CUX2: variants seen among roughly 807,000 people sequenced by gnomAD.
CUX2 encodes homeobox protein cut-like 2.
CUX2 carries 40 observed loss-of-function variants against 144.8 expected under a neutral mutation model. The observed-to-expected ratio is 0.28, with a 90% CI of 0.21 to 0.36. CUX2 has a LOEUF of 0.36. CUX2 is among the 10% of genes least tolerant of loss of function. The pLI is 1.00. For missense variants in CUX2, 1,615 were observed against 1,994.0 expected (o/e 0.81, Z 3.62); for synonymous variants, 827 against 875.6 (o/e 0.94, Z 0.98).
At position 111,170,633 on chromosome 12, in the gene CUX2, A is replaced by G. The variant is rs191387582; in HGVS notation, c.64-43567A>G. On this transcript the variant is annotated intron_variant, in intron 1 of 21. Coordinates refer to ENST00000261726, the MANE Select transcript of CUX2 (RefSeq NM_015267.4). ...CAGTGGCACGATCTCAGCTCACTGC[A>G]ACCCCTGCCTCCTGAAACCCAGTTC... 2.8e-5 allele frequency among the ~76,000 whole-genome samples: 4 copies of G among 144,794 alleles called. No homozygotes were observed. The Admixed American group carries it at 2.9e-4, about 10-fold the overall frequency. 95.0% of individuals were successfully genotyped at this position (144,794 alleles called of 152,430 possible).
chr12:111,196,429 T>C (rs967964649), intron 1 of CUX2, among the ~76,000 whole-genome samples: 5 of 152,236 alleles, frequency 3.3e-5, no homozygotes, highest in African/African-American at 1.2e-4. Context: ...CAAACTGTTT[T>C]TCTGAAGTGG....
chr12:111,321,060 G>C (rs1887502824), intron 17 of CUX2, among the ~76,000 whole-genome samples: 1 of 152,204 alleles, frequency 6.6e-6, no homozygotes, highest in Admixed American at 6.5e-5. Context: ...GGCAGGACTT[G>C]GTGGCTCACG....
chr12:111,317,646 G>T (rs1887265334), intron 16 of CUX2, among the ~76,000 whole-genome samples: 1 of 152,070 alleles, frequency 6.6e-6, no homozygotes, highest in Non-Finnish European at 1.5e-5. Flanking sequence ...TTGTAGAAAA[G>T]GTTTTTCACT....
chr12:111,249,450 T>G (rs1017655238), intron 3 of CUX2, among the ~76,000 whole-genome samples: 18 of 143,512 alleles, frequency 1.3e-4, no homozygotes, highest in South Asian at 4.6e-4. Context: ...TTTTTGTTTT[T>G]TTTTTTTTTT....
At chr12:111,089,623 G>GC (rs890024011) in intron 1 of CUX2, among the ~76,000 whole-genome samples, 1 of 152,236 alleles carries the variant, frequency 6.6e-6, no homozygotes. Flanking sequence ...GGCCTGGAAA[G>GC]CCCTCTGCAG....
At chr12:111,238,039 G>C (rs1243546590) in intron 3 of CUX2, among the ~76,000 whole-genome samples, 4 of 152,046 alleles carry the variant, frequency 2.6e-5, no homozygotes, top group Non-Finnish European at 5.9e-5. Flanking sequence ...ATGTCCCCTC[G>C]GGGACCAAAT....
chr12:111,063,378 G>T (rs1298645913), intron 1 of CUX2, among the ~76,000 whole-genome samples: 2 of 152,104 alleles, frequency 1.3e-5, no homozygotes, highest in African/African-American at 4.8e-5. Context: ...CTCCAGGCGT[G>T]CAGCCTGAGG....
At chr12:111,158,158 C>T (rs766731531) in intron 1 of CUX2, among the ~76,000 whole-genome samples, 10 of 152,088 alleles carry the variant, frequency 6.6e-5, no homozygotes, top group Non-Finnish European at 1.5e-4. Context: ...CAGGTGAAAA[C>T]GGAGGATCAG....
At chr12:111,324,688 C>T (rs564036412) in intron 18 of CUX2, among the ~76,000 whole-genome samples, 59 of 151,744 alleles carry the variant, frequency 3.9e-4, no homozygotes, top group African/African-American at 1.2e-3. Context: ...TTAGTAGAGA[C>T]GGGGTTTCTC....
chr12:111,283,949 GT>G (rs1885252578), intron 4 of CUX2, among the ~76,000 whole-genome samples: 1 of 152,120 alleles, frequency 6.6e-6, no homozygotes. Context: ...CCGAGACTTT[GT>G]CAGAGTCGTG....
intron 8 of CUX2, 75 bp downstream of exon 8, chr12:111,296,614 G>C (rs1886010326): frequency 7.2e-7 from 1 of 1,381,144 alleles, no homozygotes; most frequent in South Asian, 1.2e-5. Context: ...TGACCCTCCA[G>C]TACTTGCCTC....
At chr12:111,240,546 C>T (rs1882971493) in intron 3 of CUX2, among the ~76,000 whole-genome samples, 1 of 152,234 alleles carries the variant, frequency 6.6e-6, no homozygotes, top group Non-Finnish European at 1.5e-5. Flanking sequence ...GCCCCTGGTC[C>T]AATCGGCTGA....
At chr12:111,333,482 G>T (rs761872599) in intron 18 of CUX2, among the ~76,000 whole-genome samples, 4 of 152,192 alleles carry the variant, frequency 2.6e-5, no homozygotes, top group Non-Finnish European at 5.9e-5. Context: ...GATTTCGACA[G>T]TTCTGCCTTT....
chr12:111,070,743 A>G (rs1871226742), intron 1 of CUX2, among the ~76,000 whole-genome samples: 1 of 152,152 alleles, frequency 6.6e-6, no homozygotes, highest in Non-Finnish European at 1.5e-5. Context: ...CCTAAAAATC[A>G]TCCGTGCTCT....
At chr12:111,254,214 C>G (rs981440744) in intron 3 of CUX2, among the ~76,000 whole-genome samples, 1 of 152,186 alleles carries the variant, frequency 6.6e-6, no homozygotes, top group Non-Finnish European at 1.5e-5. Flanking sequence ...AGCACAAACA[C>G]CTCCTTTCAC....
rs551327180 is a variant in CUX2, at chr12:111,308,381, C to A, written c.1159-46C>A. ...CTGCAGGGCAGGCTGCCCCAGTGAG[C>A]CTTCCGCCCACCAGGTGCCCTCTCA... On this transcript the variant is annotated intron_variant, in intron 13 of 21. Transcript: ENST00000261726. 20 of 1,613,930 alleles carry A rather than the reference C, an allele frequency of 1.2e-5. No homozygotes were observed. In the South Asian group the frequency reaches 1.4e-4, roughly 12 times the overall value.
chr12:111,234,376 T>C (rs1213669781), intron 3 of CUX2, among the ~76,000 whole-genome samples: 1 of 152,208 alleles, frequency 6.6e-6, no homozygotes. Context: ...CTATGCATTC[T>C]TCCCTGTGCT....
At chr12:111,045,026 A>G (rs1008768432) in intron 1 of CUX2, among the ~76,000 whole-genome samples, 4 of 152,228 alleles carry the variant, frequency 2.6e-5, no homozygotes, top group African/African-American at 9.6e-5. Flanking sequence ...GGCCTCAGCC[A>G]TAGAGAGCTG....
chr12:111,157,011 AG>A (rs1408086766), intron 1 of CUX2, among the ~76,000 whole-genome samples: 88 of 142,536 alleles, frequency 6.2e-4, no homozygotes, highest in African/African-American at 2.2e-3. Context: ...AAAAAAAAAC[AG>A]AAACAGAAAC....
Sources: allele counts gnomAD v4.1 joint callset (sites outside exome capture counted in the v4.1 genomes callset), GRCh38; gene constraint gnomAD v4.1.1; transcripts MANE v1.5; gene names NCBI Gene and HGNC (gene_info 2026-07-23, HGNC 2026-07-21).